The following WDPCP variants were observed in gnomAD, a reference collection of about 807,000 sequenced individuals.
WDPCP encodes the protein WD repeat containing planar cell polarity effector.
Under a neutral mutation model 93.1 loss-of-function variants are expected in WDPCP, and 71 were observed. The observed-to-expected ratio is 0.76, with a 90% confidence interval of 0.63 to 0.93. The LOEUF (loss-of-function observed/expected upper bound fraction) is 0.93, where lower values mean the gene tolerates loss of function less well. Among genes scored for constraint, WDPCP ranks in the 40% least tolerant of loss-of-function variants. The probability of loss-of-function intolerance (pLI) is 0.00; values close to 1 mark genes in which losing one functional copy is unlikely to be tolerated. For missense variants in WDPCP, 844 were observed against 887.4 expected (o/e 0.95, Z 0.62); for synonymous variants, 315 against 315.0 (o/e 1.00, Z 0.00).
intron 17 of WDPCP, among the ~76,000 whole-genome samples, chr2:63,139,104 C>T (rs1489939596): frequency 6.6e-6 from 1 of 151,806 alleles, no homozygotes; most frequent in Non-Finnish European, 1.5e-5. Context: ...CGTGTATATA[C>T]ACATAAACAC....
chr2:63,424,256 G>A (rs1311264026), intron 9 of WDPCP, among the ~76,000 whole-genome samples: 1 of 149,916 alleles, frequency 6.7e-6, no homozygotes, highest in Admixed American at 6.6e-5. Flanking sequence ...TGTGTTGGGG[G>A]CGGGGGTGGG....
chr2:63,244,679 C>A (rs908687000), intron 14 of WDPCP, among the ~76,000 whole-genome samples: 1 of 152,084 alleles, frequency 6.6e-6, no homozygotes, highest in African/African-American at 2.4e-5. Flanking sequence ...GAAATTAAAA[C>A]CCTAAACAGA....
intron 3 of WDPCP, chr2:63,595,321 A>T (rs1709286264): frequency 1.3e-6 from 1 of 754,144 alleles, no homozygotes; most frequent in Admixed American, 2.0e-5. Context: ...ATTAATGGGA[A>T]TTACATGCAT....
chr2:63,189,643 G>A lies in WDPCP; in HGVS notation c.1916-14811C>T, dbSNP rs555084292. Among the ~76,000 whole-genome samples the A allele has an allele frequency of 4.6e-5, 7 of 152,244 alleles. 1 individual carries two copies. In the South Asian group the frequency reaches 1.5e-3, roughly 32 times the overall value. ...CTTTTTCCTTGACAGACAAAACATT[G>A]TACTTATTCTCACCTTGAGTCCTTT... On this transcript the variant is annotated intron_variant, in intron 14 of 17. Transcript: ENST00000272321.
chr2:63,648,269 C>T (rs1343536613), intron 3 of WDPCP, among the ~76,000 whole-genome samples: 1 of 152,210 alleles, frequency 6.6e-6, no homozygotes, highest in Non-Finnish European at 1.5e-5. Context: ...GCCACTCTAA[C>T]TCCAATTTAT....
intron 2 of WDPCP, among the ~76,000 whole-genome samples, chr2:63,726,356 G>GT (rs1363686678): frequency 1.4e-5 from 2 of 138,398 alleles, no homozygotes; most frequent in East Asian, 1.9e-4. Flanking sequence ...TTAGACAGTT[G>GT]TAAGTGTGTG....
intron 12 of WDPCP, 147 bp downstream of exon 12, chr2:63,378,239 A>T (rs936074546): frequency 9.2e-7 from 1 of 1,090,444 alleles, no homozygotes; most frequent in Non-Finnish European, 1.3e-6. Context: ...TAACAAATTA[A>T]ATAAGACCAA....
intron 2 of WDPCP, among the ~76,000 whole-genome samples, chr2:63,671,357 CT>C (rs958338054): frequency 1.4e-4 from 21 of 152,150 alleles, no homozygotes; most frequent in Non-Finnish European, 2.5e-4. Flanking sequence ...CTTCTGACGG[CT>C]ACTTTGGCTT....
chr2:63,466,407 A>AT (rs1318237066), intron 6 of WDPCP, among the ~76,000 whole-genome samples: 34 of 152,190 alleles, frequency 2.2e-4, no homozygotes, highest in African/African-American at 8.2e-4. Context: ...ATATATATAT[A>AT]AAACGTAATA....
At chr2:63,331,498 T>C (rs1163857082) in intron 12 of WDPCP, among the ~76,000 whole-genome samples, 3 of 152,200 alleles carry the variant, frequency 2.0e-5, no homozygotes, top group East Asian at 1.9e-4. Context: ...AGGAAAGATA[T>C]CTCGAATGTT....
chr2:63,203,312 C>A (rs1333399649), intron 14 of WDPCP, among the ~76,000 whole-genome samples: 1 of 152,128 alleles, frequency 6.6e-6, no homozygotes, highest in Non-Finnish European at 1.5e-5. Context: ...CTATTACAAA[C>A]AATCCAATTA....
At chr2:63,170,359 G>A (rs34373650) in intron 15 of WDPCP, among the ~76,000 whole-genome samples, 17,835 of 149,738 alleles carry the variant, frequency 0.12, 1,168 homozygotes, top group Middle Eastern at 0.2. Flanking sequence ...TGCAACCTCC[G>A]CCTCCTGGGT....
Position 63,785,949 on chromosome 2 carries a change from C to A in WDPCP, n.308+27673G>T, listed in dbSNP as rs553275646. 8.5e-5 allele frequency among the ~76,000 whole-genome samples: 13 copies of A among 152,312 alleles called. No individual in the cohort carries two copies. In the South Asian group the frequency reaches 2.7e-3, roughly 32 times the overall value. On this transcript the variant is annotated intron_variant and non_coding_transcript_variant, in intron 2 of 4. Transcript: ENST00000467687. Reference sequence around the variant, plus strand: ...CATGTATTGCAAACAAGATTAACCACACTGACATGGCTCAGCTAAACTTTT... The same window carrying A: ...CATGTATTGCAAACAAGATTAACCAAACTGACATGGCTCAGCTAAACTTTT...
chr2:63,441,853 T>C (rs143844737), intron 6 of WDPCP: 1 of 152,124 alleles, frequency 6.6e-6, no homozygotes, highest in Non-Finnish European at 1.5e-5. Context: ...ATTCATTATA[T>C]GCCAAGCACT....
chr2:63,230,030 C>A (rs970320896), intron 14 of WDPCP, among the ~76,000 whole-genome samples: 1 of 151,490 alleles, frequency 6.6e-6, no homozygotes, highest in African/African-American at 2.4e-5. Context: ...TGGTGTGCTG[C>A]ACCCCTTAAC....
At chr2:63,304,749 AC>A (rs1362357430) in intron 13 of WDPCP, among the ~76,000 whole-genome samples, 1 of 152,046 alleles carries the variant, frequency 6.6e-6, no homozygotes, top group Non-Finnish European at 1.5e-5. Flanking sequence ...GTGAGACACA[AC>A]CGTTTACTTC....
chr2:63,660,673 T>C (rs1710216492), intron 2 of WDPCP, among the ~76,000 whole-genome samples: 1 of 152,170 alleles, frequency 6.6e-6, no homozygotes, highest in South Asian at 2.1e-4. Context: ...AGTCCCAAAA[T>C]GAGATATCAA....
rs925201823 is a variant in WDPCP at position 63,423,882 on chromosome 2, G to T, written c.825+9863C>A. Among the ~76,000 whole-genome samples the T allele has an allele frequency of 2.6e-5, 4 of 152,152 alleles. No individual in the cohort carries two copies. The East Asian group carries it at 7.7e-4, about 29-fold the overall frequency. ...ATGGCCAACTAGACACAGCCAGGAC[G>T]TACCTCTACCACTGAGAGAGACGAA... On this transcript the variant is annotated intron_variant, in intron 9 of 17. Coordinates refer to ENST00000272321, the MANE Select transcript of WDPCP (RefSeq NM_015910.7).
the WDPCP span, among the ~76,000 whole-genome samples, chr2:63,838,090 A>C: frequency 6.6e-6 from 1 of 151,804 alleles, no homozygotes; most frequent in Admixed American, 6.6e-5. Context: ...GCGAAACTCT[A>C]TCTCAAAGAA....
Sources: allele counts gnomAD v4.1 joint callset (sites outside exome capture counted in the v4.1 genomes callset), GRCh38; gene constraint gnomAD v4.1.1; transcripts MANE v1.5; gene names NCBI Gene and HGNC (gene_info 2026-07-23, HGNC 2026-07-21).